KIAA0930: variants seen among roughly 807,000 people sequenced by gnomAD.
KIAA0930 encodes the protein KIAA0930.
A neutral mutation model predicts 43.9 loss-of-function variants in KIAA0930; 24 were observed. The observed-to-expected ratio is 0.55, with a 90% CI of 0.40 to 0.77. The LOEUF (loss-of-function observed/expected upper bound fraction) is 0.77. Among genes scored for constraint, KIAA0930 ranks in the 30% least tolerant of loss-of-function variants. The pLI is 0.00. For missense variants in KIAA0930, 461 were observed against 574.2 expected, an observed-to-expected ratio of 0.80 and a Z score of 2.02; for synonymous variants, 259 against 216.4, an observed-to-expected ratio of 1.20 and a Z score of -1.73.
chr22:45,207,333 A>AT (rs947580214), intron 2 of KIAA0930, among the ~76,000 whole-genome samples: 6 of 138,560 alleles, frequency 4.3e-5, no homozygotes, highest in Admixed American at 1.5e-4. Context: ...TTATTTTTTT[A>AT]TTTTTTTGAG....
chr22:45,198,507 C>T (rs1369960332), intron 8 of KIAA0930, among the ~76,000 whole-genome samples: 2 of 152,228 alleles, frequency 1.3e-5, no homozygotes, highest in African/African-American at 4.8e-5. Context: ...CTGACCCAGG[C>T]CAGGGCCTTG....
At chr22:45,233,783 C>T (rs2083869230) in intron 1 of KIAA0930, among the ~76,000 whole-genome samples, 1 of 152,190 alleles carries the variant, frequency 6.6e-6, no homozygotes, top group Non-Finnish European at 1.5e-5. Flanking sequence ...CCCTCTGAGC[C>T]TCTGCTTCAT....
At chr22:45,228,213 C>T (rs1466053036) in intron 1 of KIAA0930, among the ~76,000 whole-genome samples, 1 of 152,112 alleles carries the variant, frequency 6.6e-6, no homozygotes, top group African/African-American at 2.4e-5. Flanking sequence ...TCTGATGTCC[C>T]CGATCCCCAG....
rs2083500488 is a variant in KIAA0930 at position 45,192,738 on chromosome 22, G to A, written c.*4438C>T. ...GGAATAAAAACGCCTACTCGCCTTA[G>A]GCAGGATAAGAAGTTGTAAACTCAC... is the stretch of plus-strand genomic sequence containing the variant. On this transcript the variant is annotated 3_prime_UTR_variant, in exon 10 of 10. Transcript: ENST00000336156. The A allele has an allele frequency of 1.3e-5, 2 of 152,196 alleles. No individual in the cohort carries two copies. The highest frequency in any genetic ancestry group is 2.9e-5 in the Non-Finnish European group (2 of 68,050). The allele number at this position is 152,196 out of a possible 1,614,324, so 9.4% of individuals were successfully genotyped here.
At chr22:45,197,751 G>A (rs1306029939) in intron 9 of KIAA0930, 39 bp downstream of exon 9, 3 of 1,608,370 alleles carry the variant, frequency 1.9e-6, no homozygotes, top group Non-Finnish European at 2.6e-6. Context: ...AGCTGGCTGT[G>A]AGAAGGTGCG....
At chr22:45,235,595 G>A (rs1047327946) in intron 1 of KIAA0930, among the ~76,000 whole-genome samples, 1 of 152,142 alleles carries the variant, frequency 6.6e-6, no homozygotes, top group East Asian at 1.9e-4. Flanking sequence ...CAGCCCGAGC[G>A]TCGGGGCATA....
intron 1 of KIAA0930, among the ~76,000 whole-genome samples, chr22:45,220,111 C>T (rs945653058): frequency 2.0e-5 from 3 of 152,086 alleles, no homozygotes; most frequent in African/African-American, 7.2e-5. Flanking sequence ...AATCCAGCAA[C>T]TTATTAAAAA....
chr22:45,228,824 C>T (rs1368645417), intron 1 of KIAA0930, among the ~76,000 whole-genome samples: 141 of 89,434 alleles, frequency 1.6e-3, no homozygotes, highest in Non-Finnish European at 2.2e-3. Flanking sequence ...CCACCCCCGC[C>T]ATCACCACTC....
chr22:45,218,107 C>T (rs561657006), intron 1 of KIAA0930, among the ~76,000 whole-genome samples: 5 of 152,264 alleles, frequency 3.3e-5, no homozygotes, highest in East Asian at 3.9e-4. Flanking sequence ...GTTTCAGGAG[C>T]GAGGAACGTG....
At chr22:45,227,969 T>C (rs188732863) in intron 1 of KIAA0930, among the ~76,000 whole-genome samples, 3,008 of 152,242 alleles carry the variant, frequency 0.02, 93 homozygotes, top group African/African-American at 0.068. Context: ...CCTAGACCCC[T>C]ACACCCCTGG....
At chr22:45,217,623 CA>C (rs1241813220) in intron 1 of KIAA0930, among the ~76,000 whole-genome samples, 2 of 152,140 alleles carry the variant, frequency 1.3e-5, no homozygotes, top group Non-Finnish European at 2.9e-5. Flanking sequence ...CACTTCTTTA[CA>C]GTGTGAGACG....
intron 1 of KIAA0930, 87 bp from the exon 2 acceptor site, chr22:45,212,194 C>T (rs771363547): frequency 1.2e-6 from 2 of 1,613,202 alleles, no homozygotes; most frequent in Admixed American, 1.7e-5. Context: ...CCCATACCCC[C>T]ACATTTCTGG....
chr22:45,198,511 G>T (rs1041492773), intron 8 of KIAA0930, among the ~76,000 whole-genome samples: 1 of 152,232 alleles, frequency 6.6e-6, no homozygotes, highest in Non-Finnish European at 1.5e-5. Context: ...CCCAGGCCAG[G>T]GCCTTGAGCA....
At chr22:45,218,907 G>A (rs904350447) in intron 1 of KIAA0930, among the ~76,000 whole-genome samples, 2 of 152,164 alleles carry the variant, frequency 1.3e-5, no homozygotes, top group African/African-American at 2.4e-5. Flanking sequence ...TCCTGGGATA[G>A]TCTAAGAACC....
Position 45,205,657 on chromosome 22 carries a change from G to A in KIAA0930, c.387C>T (p.Asp129=). 1 of 1,614,050 alleles carries A rather than the reference G, an allele frequency of 6.2e-7. No individual in the cohort carries two copies. Among genetic ancestry groups the A allele is most frequent in the African/African-American group, 1.3e-5 (1 of 75,040 alleles). The change falls in exon 4 of 10, where the codon GAC becomes GAT. Residue 129 remains aspartate (D), a synonymous_variant. Coordinates refer to ENST00000336156, the MANE Select transcript of KIAA0930 (RefSeq NM_001009880.2). ...GAGATTTCTTCTTATGGATGTGAAT[G>A]TCCCCGCCGTCAGCACGTGTGCACA... is the stretch of plus-strand genomic sequence containing the variant. ...CAVCTRADGG[D]IHIHKKKSQQ...
chr22:45,234,538 C>T (rs77226646), intron 1 of KIAA0930, among the ~76,000 whole-genome samples: 1,884 of 152,346 alleles, frequency 0.012, 44 homozygotes, highest in African/African-American at 0.043. Flanking sequence ...CCTTCAGCCC[C>T]GTGAACACCC....
chr22:45,202,924 C>T (rs572724126), intron 7 of KIAA0930, 66 bp downstream of exon 7: 32 of 1,382,030 alleles, frequency 2.3e-5, no homozygotes, highest in Admixed American at 1.9e-4. Flanking sequence ...GCCGTGAGCA[C>T]GGGGGAGACG....
chr22:45,206,523 G>A (rs1177456946), intron 2 of KIAA0930, among the ~76,000 whole-genome samples: 2 of 152,190 alleles, frequency 1.3e-5, no homozygotes, highest in African/African-American at 2.4e-5. Flanking sequence ...CTTAGTGGAC[G>A]GCGGGGTCTG....
At chr22:45,200,430 T>C (rs1233705081) in intron 7 of KIAA0930, among the ~76,000 whole-genome samples, 2 of 152,100 alleles carry the variant, frequency 1.3e-5, no homozygotes, top group Non-Finnish European at 2.9e-5. Context: ...AGACAGGGGC[T>C]AGCGTCAGCC....
Sources: gnomAD v4.1 joint callset for allele counts (sites outside exome capture counted in the v4.1 genomes callset) on GRCh38, gnomAD v4.1.1 for gene constraint, MANE v1.5 for transcripts, NCBI Gene and HGNC (gene_info 2026-07-23, HGNC 2026-07-21) for gene names.